COL5A2: variants seen among roughly 807,000 people sequenced by gnomAD.
The protein encoded by COL5A2 is collagen type V alpha 2 chain, also known as collagen alpha-2(V) chain.
In COL5A2, 23 loss-of-function variants were observed where a neutral mutation model predicts 208.2. The ratio of observed to expected loss-of-function variants is 0.11; its 90% CI spans 0.08 to 0.16. The LOEUF (loss-of-function observed/expected upper bound fraction) is 0.16, where lower values mean the gene tolerates loss of function less well. Ranked by LOEUF, COL5A2 falls within the 10% of genes least tolerant of loss-of-function variation. The pLI is 1.00. For synonymous variants in COL5A2, 625 were observed against 628.5 expected (o/e 0.99, Z 0.08); for missense variants, 1,590 against 1,956.4 (o/e 0.81, Z 3.53).
At chr2:189,362,871 C>A in the COL5A2 span, among the ~76,000 whole-genome samples, 1 of 151,686 alleles carries the variant, frequency 6.6e-6, no homozygotes, top group Admixed American at 6.6e-5. Context: ...GCATATGATA[C>A]AAATAAAATT....
chr2:189,432,559 C>G, the COL5A2 span, among the ~76,000 whole-genome samples: 1 of 151,994 alleles, frequency 6.6e-6, no homozygotes, highest in African/African-American at 2.4e-5. Context: ...GACTTTAAAC[C>G]AACAAATATT....
At chr2:189,206,285 G>A (rs551661240) in intron 1 of COL5A2, among the ~76,000 whole-genome samples, 24 of 152,212 alleles carry the variant, frequency 1.6e-4, no homozygotes, top group African/African-American at 4.8e-4. Flanking sequence ...AGCTTAAAGC[G>A]GGTAAATTCA....
At chr2:189,328,024 A>G in the COL5A2 span, among the ~76,000 whole-genome samples, 1 of 152,240 alleles carries the variant, frequency 6.6e-6, no homozygotes, top group Non-Finnish European at 1.5e-5. Context: ...TGCAACACAG[A>G]AATTCCTACA....
At chr2:189,121,308 C>T (rs1003849881) in intron 1 of COL5A2, among the ~76,000 whole-genome samples, 2 of 152,050 alleles carry the variant, frequency 1.3e-5, no homozygotes, top group Admixed American at 1.3e-4. Context: ...TTACTCCTGG[C>T]TCCTTCCTGG....
Position 189,079,081 on chromosome 2 carries a change from C to T in COL5A2, c.987G>A (p.Met329Ile). 1 of 1,612,928 alleles carries T rather than the reference C, an allele frequency of 6.2e-7. No individual in the cohort carries two copies. The highest frequency in any genetic ancestry group is 8.5e-7 in the Non-Finnish European group (1 of 1,179,204). The change falls in exon 15 of 54, where the codon ATG becomes ATA. Residue 329 changes from methionine (M) to isoleucine (I), a missense_variant. Physicochemically the swap from Met to Ile is conservative, Grantham distance 10. Coordinates refer to ENST00000374866, the MANE Select transcript of COL5A2 (RefSeq NM_000393.5). ...CACATACCAGAGGACCCATGGCACC[C>T]ATTGGACCAGTGGGGCCAGCTTCAC... ...SKGEAGPTGP[M>I]GAMGPLGPRG...
the COL5A2 span, among the ~76,000 whole-genome samples, chr2:189,388,243 G>A: frequency 6.6e-6 from 1 of 152,128 alleles, no homozygotes; most frequent in Admixed American, 6.5e-5. Flanking sequence ...GAGTGACAAG[G>A]CAGGGAGTGC....
chr2:189,401,120 G>T, the COL5A2 span, among the ~76,000 whole-genome samples: 3 of 152,020 alleles, frequency 2.0e-5, no homozygotes, highest in African/African-American at 7.2e-5. Flanking sequence ...ATAAACGTGT[G>T]CCATGGTGGT....
At chr2:189,428,358 A>T in the COL5A2 span, among the ~76,000 whole-genome samples, 12 of 152,122 alleles carry the variant, frequency 7.9e-5, no homozygotes, top group Non-Finnish European at 1.2e-4. Context: ...GGTGGCTCAC[A>T]CCTGTAATCC....
chr2:189,294,759 T>G, the COL5A2 span, among the ~76,000 whole-genome samples: 3 of 152,192 alleles, frequency 2.0e-5, no homozygotes, highest in African/African-American at 7.2e-5. Flanking sequence ...TAAAAATATG[T>G]CTTCCACATT....
chr2:189,321,172 A>G, the COL5A2 span, among the ~76,000 whole-genome samples: 5 of 152,336 alleles, frequency 3.3e-5, no homozygotes, highest in African/African-American at 1.2e-4. Flanking sequence ...GGAAGCACTA[A>G]ACATGGAGAG....
At chr2:189,210,802 T>C (rs1468270667) in intron 1 of COL5A2, among the ~76,000 whole-genome samples, 1 of 152,204 alleles carries the variant, frequency 6.6e-6, no homozygotes, top group Admixed American at 6.5e-5. Flanking sequence ...TTCAAATGTG[T>C]CTAAATATTT....
At chr2:189,106,484 T>A (rs1328274787) in intron 2 of COL5A2, among the ~76,000 whole-genome samples, 1 of 151,354 alleles carries the variant, frequency 6.6e-6, no homozygotes, top group East Asian at 1.9e-4. Flanking sequence ...TTTTATTTTT[T>A]GTAGTTTTAT....
chr2:189,080,662 T>C (rs1001974227), intron 13 of COL5A2, among the ~76,000 whole-genome samples: 5 of 152,136 alleles, frequency 3.3e-5, no homozygotes, highest in African/African-American at 1.2e-4. Flanking sequence ...TATTACACTA[T>C]ACAGGAATTG....
At chr2:189,325,538 A>G in the COL5A2 span, among the ~76,000 whole-genome samples, 1 of 151,944 alleles carries the variant, frequency 6.6e-6, no homozygotes, top group Non-Finnish European at 1.5e-5. Flanking sequence ...AGAGACACAG[A>G]GACATTCTCA....
Position 189,068,132 on chromosome 2 carries a change from G to T in COL5A2, c.1303-19C>A. On this transcript the variant is annotated intron_variant, in intron 20 of 53. Transcript: ENST00000374866. The stretch of plus-strand genomic sequence containing the variant: ...GAGAGCCCTATTAAACAGCAAGAGT[G>T]ATGTGGTAAGTAGAGACACAGGTAG... The T allele has an allele frequency of 5.0e-6, 8 of 1,607,220 alleles. No homozygotes were observed. The highest frequency in any genetic ancestry group is 6.8e-6 in the Non-Finnish European group (8 of 1,173,684).
chr2:189,352,001 C>T, the COL5A2 span, among the ~76,000 whole-genome samples: 2 of 151,980 alleles, frequency 1.3e-5, no homozygotes, highest in Non-Finnish European at 1.5e-5. Flanking sequence ...GCTCCCCGCC[C>T]CCTGTGATCT....
chr2:189,271,776 T>C, the COL5A2 span, among the ~76,000 whole-genome samples: 1 of 152,130 alleles, frequency 6.6e-6, no homozygotes, highest in Non-Finnish European at 1.5e-5. Context: ...AAAGGGTTAA[T>C]ATCCAGAATC....
intron 16 of COL5A2, 36 bp from the exon 17 acceptor site, chr2:189,075,473 T>A: frequency 1.9e-6 from 3 of 1,545,324 alleles, no homozygotes; most frequent in Non-Finnish European, 2.7e-6. Context: ...CAGGATAAGA[T>A]TACATTTTAG....
At chr2:189,289,391 A>G in the COL5A2 span, among the ~76,000 whole-genome samples, 2 of 152,152 alleles carry the variant, frequency 1.3e-5, no homozygotes, top group Non-Finnish European at 2.9e-5. Flanking sequence ...ACCTCAGGAC[A>G]GTAAAAATCA....
Sources: allele counts gnomAD v4.1 joint callset (sites outside exome capture counted in the v4.1 genomes callset), GRCh38; gene constraint gnomAD v4.1.1; transcripts MANE v1.5; gene names NCBI Gene and HGNC (gene_info 2026-07-23, HGNC 2026-07-21).